The following PRTG variants were observed in gnomAD, a reference collection of about 807,000 sequenced individuals.
The protein encoded by PRTG is protogenin, also known as immunoglobulin superfamily, DCC subclass, member 5.
Under a neutral mutation model 122.5 loss-of-function variants are expected in PRTG, and 67 were observed. The ratio of observed to expected loss-of-function variants is 0.55; its 90% CI spans 0.45 to 0.67. The LOEUF is 0.67. Ranked by LOEUF, PRTG falls within the 30% of genes least tolerant of loss-of-function variation. PRTG has a pLI of 0.00. For missense variants in PRTG, 1,435 were observed against 1,415.4 expected (o/e 1.01, Z -0.22); for synonymous variants, 554 against 501.1 (o/e 1.11, Z -1.41).
At position 55,639,706 on chromosome 15, in the gene PRTG, T is replaced by C. The variant is rs1251450238; in HGVS notation, c.2260A>G (p.Asn754Asp). ...RPAFTAAQII[N>D]YTIRCNPVGL... is the part of the protein sequence containing the mutation. ...ACAGGATTACAGCGGATGGTGTAGT[T>C]AATGATTTGTGCAGCGGTGAATGCA... Residue 754 changes from asparagine to aspartate, a missense_variant, in exon 13 of 20, where the codon AAC becomes GAC. By Grantham distance (23) the Asn-to-Asp change is conservative. Transcript: ENST00000389286. 10 of 1,614,126 alleles carry C rather than the reference T, an allele frequency of 6.2e-6. No homozygotes were observed. Among genetic ancestry groups the C allele is most frequent in the East Asian group, 2.2e-5 (1 of 44,876 alleles).
chr15:55,721,652 C>A (rs1226571637), intron 2 of PRTG, among the ~76,000 whole-genome samples: 1 of 152,126 alleles, frequency 6.6e-6, no homozygotes, highest in African/African-American at 2.4e-5. Flanking sequence ...CTTTCTCACA[C>A]TACTATAAGG....
At chr15:55,691,413 T>C (rs1263697982) in intron 2 of PRTG, among the ~76,000 whole-genome samples, 1 of 151,862 alleles carries the variant, frequency 6.6e-6, no homozygotes, top group Non-Finnish European at 1.5e-5. Context: ...CTGGGCACGG[T>C]GGCTCACACC....
intron 15 of PRTG, among the ~76,000 whole-genome samples, chr15:55,634,525 T>A (rs2059245543): frequency 6.6e-6 from 1 of 152,172 alleles, no homozygotes; most frequent in African/African-American, 2.4e-5. Context: ...CTTGAATGAC[T>A]GAAACTAAAT....
chr15:55,674,010 G>A (rs2059488240), intron 9 of PRTG, among the ~76,000 whole-genome samples: 1 of 152,222 alleles, frequency 6.6e-6, no homozygotes, highest in South Asian at 2.1e-4. Flanking sequence ...CGAAACAAGG[G>A]AGAGTGAATT....
At chr15:55,627,385 G>A (rs11639131) in intron 16 of PRTG, among the ~76,000 whole-genome samples, 55,678 of 148,210 alleles carry the variant, frequency 0.38, 12,541 homozygotes, top group East Asian at 0.95. Flanking sequence ...GTGCAGTGGC[G>A]CAATCTCAGC....
At chr15:55,673,855 G>A (rs555940850) in intron 9 of PRTG, among the ~76,000 whole-genome samples, 179 bp from the exon 10 acceptor site, 3 of 152,242 alleles carry the variant, frequency 2.0e-5, no homozygotes, top group East Asian at 3.9e-4. Flanking sequence ...AAATAATGAG[G>A]GAGGGCTAAG....
chr15:55,727,656 C>T (rs569738983), intron 2 of PRTG, among the ~76,000 whole-genome samples: 1 of 152,080 alleles, frequency 6.6e-6, no homozygotes, highest in South Asian at 2.1e-4. Flanking sequence ...ATTAGCAGGG[C>T]GTGGTGGCAT....
In PRTG at chr15:55,743,060, C is replaced by A; in HGVS notation, c.-129G>T. On this transcript the variant is annotated 5_prime_UTR_variant, in exon 1 of 20. Coordinates refer to ENST00000389286, the MANE Select transcript of PRTG (RefSeq NM_173814.6). The stretch of plus-strand genomic sequence containing the variant: ...TGGCTCCCCGCTCCGGCTCCGGCAC[C>A]GGCGTGGCGAGCGTCTCTGCGGCGG... 7.7e-7 allele frequency: 1 copy of A among 1,300,848 alleles called. No homozygotes were observed. Among genetic ancestry groups the A allele is most frequent in the Non-Finnish European group, 9.7e-7 (1 of 1,029,330 alleles). 80.6% of individuals were successfully genotyped at this position (1,300,848 alleles called of 1,614,324 possible).
chr15:55,682,796 C>G lies in PRTG; in HGVS notation c.543-299G>C, dbSNP rs149768494. On this transcript the variant is annotated intron_variant, in intron 3 of 19. Transcript: ENST00000389286. ...CAGGCTGGTCTTGAATTTCTGACCTCAAGTGATCTGCCCGCCTCGGCCTCC... is the reference window on the plus strand; with the variant it reads ...CAGGCTGGTCTTGAATTTCTGACCTGAAGTGATCTGCCCGCCTCGGCCTCC... Among the ~76,000 whole-genome samples, 9 of 152,160 alleles carry G rather than the reference C, an allele frequency of 5.9e-5. No individual in the cohort carries two copies. The East Asian group carries it at 1.7e-3, about 29-fold the overall frequency.
chr15:55,683,602 G>C (rs1448198564), intron 3 of PRTG, among the ~76,000 whole-genome samples, 185 bp downstream of exon 3: 1 of 152,150 alleles, frequency 6.6e-6, no homozygotes, highest in African/African-American at 2.4e-5. Flanking sequence ...TCTAAACCAG[G>C]AACCATGCCC....
At chr15:55,714,537 TC>T (rs370219571) in intron 2 of PRTG, among the ~76,000 whole-genome samples, 1 of 151,166 alleles carries the variant, frequency 6.6e-6, no homozygotes, top group Admixed American at 6.6e-5. Context: ...GGCATCCTTA[TC>T]CCCCCCTTTT....
chr15:55,719,994 G>A (rs1249545881), intron 2 of PRTG, among the ~76,000 whole-genome samples: 1 of 152,144 alleles, frequency 6.6e-6, no homozygotes, highest in Non-Finnish European at 1.5e-5. Flanking sequence ...GGGAGGCAGA[G>A]GTTGCAGTGA....
chr15:55,734,055 CA>C (rs1347546765), intron 2 of PRTG, among the ~76,000 whole-genome samples: 1 of 152,158 alleles, frequency 6.6e-6, no homozygotes, highest in Non-Finnish European at 1.5e-5. Context: ...TTGGTTGTCA[CA>C]ACTGGAAGAG....
chr15:55,663,953 T>C (rs2059423789), intron 11 of PRTG, among the ~76,000 whole-genome samples: 1 of 152,218 alleles, frequency 6.6e-6, no homozygotes, highest in Admixed American at 6.5e-5. Context: ...CCATGAATTG[T>C]TGCAAGCAGC....
At chr15:55,687,266 A>G (rs867520926) in intron 2 of PRTG, among the ~76,000 whole-genome samples, 20 of 152,190 alleles carry the variant, frequency 1.3e-4, no homozygotes, top group African/African-American at 4.8e-4. Flanking sequence ...ACAATTCCAA[A>G]CAATGCCCAA....
At chr15:55,671,436 T>A (rs1022705317) in intron 11 of PRTG, among the ~76,000 whole-genome samples, 6 of 152,266 alleles carry the variant, frequency 3.9e-5, no homozygotes, top group African/African-American at 1.2e-4. Flanking sequence ...AATAGCTAAG[T>A]GTACATTTTA....
rs1412539500 is a variant in PRTG at position 55,613,820 on chromosome 15, G to A, written c.*6192C>T. 2 of 137,984 alleles carry A rather than the reference G, an allele frequency of 1.4e-5. No individual in the cohort carries two copies. The highest frequency in any genetic ancestry group is 5.4e-5 in the African/African-American group (2 of 37,224). 8.5% of individuals were successfully genotyped at this position (137,984 alleles called of 1,614,324 possible). A position where few individuals can be genotyped will look rare whatever the true frequency, so the allele number is the denominator to read the frequency against. ...GTATCATAGTCCTATACACTTCTGA[G>A]TAAGGATTAACTAACTAGGGTTTGT... On this transcript the variant is annotated 3_prime_UTR_variant, in exon 20 of 20. Transcript: ENST00000389286.
chr15:55,613,178 T>C lies in PRTG; in HGVS notation c.*6834A>G, dbSNP rs2059128316. 6.6e-6 allele frequency: 1 copy of C among 152,116 alleles called. No homozygotes were observed. The highest frequency in any genetic ancestry group is 2.1e-4 in the South Asian group (1 of 4,834). 9.4% of individuals were successfully genotyped at this position (152,116 alleles called of 1,614,324 possible). A position where few individuals can be genotyped will look rare whatever the true frequency, so the allele number is the denominator to read the frequency against. On this transcript the variant is annotated 3_prime_UTR_variant, in exon 20 of 20. Transcript: ENST00000389286. ...TCTCAAAATTGTCAAGATTAGAACT[T>C]AGGTGCTCCAAAGCCTAACTTATAC...
chr15:55,683,419 A>G (rs968211216), intron 3 of PRTG, among the ~76,000 whole-genome samples: 3 of 152,128 alleles, frequency 2.0e-5, no homozygotes, highest in Admixed American at 6.5e-5. Flanking sequence ...CAGAGACAGG[A>G]GTGGGCAGCT....
Sources: allele counts gnomAD v4.1 joint callset (sites outside exome capture counted in the v4.1 genomes callset), GRCh38; gene constraint gnomAD v4.1.1; transcripts MANE v1.5; gene names NCBI Gene and HGNC (gene_info 2026-07-23, HGNC 2026-07-21).